The following CCBE1 variants were observed in gnomAD, a reference collection of about 807,000 sequenced individuals.
The protein encoded by CCBE1 is collagen and calcium binding EGF domains 1.
Under a neutral mutation model 50.0 loss-of-function variants are expected in CCBE1, and 37 were observed. The ratio of observed to expected loss-of-function variants is 0.74; its 90% confidence interval spans 0.57 to 0.97. The LOEUF is 0.97. Ranked by LOEUF, CCBE1 falls within the 50% of genes least tolerant of loss-of-function variation. The pLI is 0.00. For missense variants in CCBE1, 538 were observed against 523.8 expected, an observed-to-expected ratio of 1.03 and a Z score of -0.26; for synonymous variants, 234 against 203.7, an observed-to-expected ratio of 1.15 and a Z score of -1.27.
chr18:59,642,671 C>T (rs960183253), intron 2 of CCBE1, among the ~76,000 whole-genome samples: 11 of 152,116 alleles, frequency 7.2e-5, no homozygotes, highest in Non-Finnish European at 1.5e-4. Context: ...TACAATGGGC[C>T]GGGCGCGGTG....
At chr18:59,663,953 T>A (rs2054319666) in intron 2 of CCBE1, among the ~76,000 whole-genome samples, 1 of 152,182 alleles carries the variant, frequency 6.6e-6, no homozygotes, top group Admixed American at 6.5e-5. Flanking sequence ...CTGCTTCAAA[T>A]GTATTGTTCA....
chr18:59,599,451 A>G (rs2053401202), intron 2 of CCBE1, among the ~76,000 whole-genome samples: 1 of 152,230 alleles, frequency 6.6e-6, no homozygotes, highest in Non-Finnish European at 1.5e-5. Flanking sequence ...TTATATGAAG[A>G]CTAAAATGGA....
At chr18:59,563,683 T>C (rs140332622) in intron 2 of CCBE1, 100 of 152,308 alleles carry the variant, frequency 6.6e-4, no homozygotes, top group Middle Eastern at 3.4e-3. Context: ...AGAATTCTCA[T>C]GCCACTGAGG....
At chr18:59,536,265 C>T (rs1447090224) in intron 2 of CCBE1, among the ~76,000 whole-genome samples, 4 of 152,232 alleles carry the variant, frequency 2.6e-5, no homozygotes, top group African/African-American at 4.8e-5. Flanking sequence ...GTGCCATCTG[C>T]GAGGTGCCCA....
At chr18:59,474,985 C>A (rs957046414) in intron 3 of CCBE1, among the ~76,000 whole-genome samples, 5 of 152,106 alleles carry the variant, frequency 3.3e-5, no homozygotes, top group Admixed American at 2.0e-4. Flanking sequence ...GTGGGTTTGT[C>A]TTTTGTGAAT....
intron 2 of CCBE1, among the ~76,000 whole-genome samples, chr18:59,643,330 T>C (rs988067555): frequency 2.6e-5 from 4 of 152,246 alleles, no homozygotes; most frequent in African/African-American, 9.6e-5. Context: ...AAATGCTCCA[T>C]TGATTTGAAG....
chr18:59,548,601 A>G (rs1393200105), intron 2 of CCBE1, among the ~76,000 whole-genome samples: 1 of 152,196 alleles, frequency 6.6e-6, no homozygotes, highest in Non-Finnish European at 1.5e-5. Context: ...AAATGAAATC[A>G]CCAACTGACC....
At chr18:59,688,183 A>T (rs2054682744) in intron 2 of CCBE1, 1 of 152,158 alleles carries the variant, frequency 6.6e-6, no homozygotes, top group Non-Finnish European at 1.5e-5. Context: ...TTCAAAACTA[A>T]CATTTCGGCT....
At chr18:59,590,773 G>A (rs997357767) in intron 2 of CCBE1, among the ~76,000 whole-genome samples, 1 of 152,126 alleles carries the variant, frequency 6.6e-6, no homozygotes, top group Non-Finnish European at 1.5e-5. Flanking sequence ...GCAAAAATGG[G>A]TTTTAATAAG....
intron 2 of CCBE1, among the ~76,000 whole-genome samples, chr18:59,553,747 G>C (rs1404731112): frequency 6.6e-6 from 1 of 152,204 alleles, no homozygotes; most frequent in Non-Finnish European, 1.5e-5. Context: ...GCTGTTTTCA[G>C]CTACCCGGGT....
At chr18:59,438,892 G>A (rs1170366558) in intron 9 of CCBE1, among the ~76,000 whole-genome samples, 1 of 152,132 alleles carries the variant, frequency 6.6e-6, no homozygotes, top group African/African-American at 2.4e-5. Flanking sequence ...CCTCACACCT[G>A]TAATACCAGC....
At chr18:59,637,008 T>A (rs1052343560) in intron 2 of CCBE1, among the ~76,000 whole-genome samples, 1 of 152,202 alleles carries the variant, frequency 6.6e-6, no homozygotes, top group African/African-American at 2.4e-5. Context: ...CTGGGTAAAA[T>A]TCTACAAGTT....
At chr18:59,571,833 C>A (rs1431298145) in intron 2 of CCBE1, among the ~76,000 whole-genome samples, 1 of 152,198 alleles carries the variant, frequency 6.6e-6, no homozygotes, top group Non-Finnish European at 1.5e-5. Flanking sequence ...TGCAAGTTCT[C>A]AGGCCTCACC....
chr18:59,532,740 G>A (rs1359294518), intron 2 of CCBE1, among the ~76,000 whole-genome samples: 3 of 152,222 alleles, frequency 2.0e-5, no homozygotes, highest in African/African-American at 4.8e-5. Context: ...TGATTCCAAA[G>A]TTCATGTTCT....
At chr18:59,539,640 G>T (rs1483859680) in intron 2 of CCBE1, among the ~76,000 whole-genome samples, 1 of 152,156 alleles carries the variant, frequency 6.6e-6, no homozygotes, top group East Asian at 1.9e-4. Context: ...ATCAGACAAG[G>T]CATAAGGCTA....
At chr18:59,546,467 T>A (rs1468946708) in intron 2 of CCBE1, among the ~76,000 whole-genome samples, 1 of 152,354 alleles carries the variant, frequency 6.6e-6, no homozygotes, top group East Asian at 1.9e-4. Context: ...GGTTTTTATC[T>A]TTGTGTAGCT....
In CCBE1 at chr18:59,580,494, G is replaced by A. The variant is rs117088910; in HGVS notation, c.213-100256C>T. On this transcript the variant is annotated intron_variant, in intron 2 of 10. Transcript: ENST00000439986. ...GATGTGTCATGGGCATGAGTCCTCA[G>A]CCTTGGCAAAATACACTTTCTAAAT... Among the ~76,000 whole-genome samples the A allele has an allele frequency of 2.0e-3, 299 of 152,302 alleles. 4 individuals are homozygous for A. In the East Asian group the frequency reaches 0.03, roughly 15 times the overall value.
intron 2 of CCBE1, among the ~76,000 whole-genome samples, chr18:59,494,522 AT>A (rs5825341): frequency 0.78 from 117,134 of 149,536 alleles, 46,277 homozygotes; most frequent in East Asian, 0.98. Flanking sequence ...ATGAGGACAG[AT>A]TTTTTTTTTT....
intron 2 of CCBE1, among the ~76,000 whole-genome samples, chr18:59,608,522 G>A (rs755959041): frequency 1.3e-5 from 2 of 152,260 alleles, no homozygotes; most frequent in Admixed American, 1.3e-4. Flanking sequence ...GAGAAGGCAC[G>A]AGAACAAGCC....
Sources: gnomAD v4.1 joint callset for allele counts (sites outside exome capture counted in the v4.1 genomes callset) on GRCh38, gnomAD v4.1.1 for gene constraint, MANE v1.5 for transcripts, NCBI Gene and HGNC (gene_info 2026-07-23, HGNC 2026-07-21) for gene names.